Variants in ARHGAP29 observed in about 807,000 individuals in gnomAD.
ARHGAP29 encodes the protein Rho GTPase activating protein 29, also known as rho GTPase-activating protein 29.
In ARHGAP29, 43 loss-of-function variants were observed where a neutral mutation model predicts 122.6. The ratio of observed to expected loss-of-function variants is 0.35; its 90% confidence interval spans 0.27 to 0.45. The LOEUF (loss-of-function observed/expected upper bound fraction) is 0.45. Among genes scored for constraint, ARHGAP29 ranks in the 20% least tolerant of loss-of-function variants. The probability of loss-of-function intolerance (pLI) is 1.00; values close to 1 mark genes in which losing one functional copy is unlikely to be tolerated. For missense variants in ARHGAP29, 1,303 were observed against 1,477.2 expected, an observed-to-expected ratio of 0.88 and a Z score of 1.93; for synonymous variants, 506 against 497.1, an observed-to-expected ratio of 1.02 and a Z score of -0.24.
intron 12 of ARHGAP29, chr1:94,191,543 A>C (rs1241080386): frequency 6.6e-6 from 1 of 152,194 alleles, no homozygotes; most frequent in Non-Finnish European, 1.5e-5. Flanking sequence ...AAACTGCATA[A>C]GGTACAGTTT....
intron 6 of ARHGAP29, 59 bp downstream of exon 6, chr1:94,205,576 C>T (rs933722539): frequency 1.4e-6 from 2 of 1,440,832 alleles, no homozygotes; most frequent in Non-Finnish European, 9.7e-7. Flanking sequence ...TAATCCAGGA[C>T]ATTCATAGAA....
intron 19 of ARHGAP29, among the ~76,000 whole-genome samples, chr1:94,183,203 A>AT (rs1557842075): frequency 4.7e-5 from 5 of 105,436 alleles, no homozygotes; most frequent in African/African-American, 1.4e-4. Flanking sequence ...AATTAAAAAA[A>AT]ATTTTTTTTT....
In ARHGAP29 at chr1:94,169,539, T is replaced by C. The variant is rs1206408672; in HGVS notation, c.*4330A>G. Among the ~76,000 whole-genome samples the C allele has an allele frequency of 1.2e-4, 18 of 152,206 alleles. 1 individual carries two copies. Among genetic ancestry groups the C allele is most frequent in the Admixed American group, 1.0e-3 (16 of 15,272 alleles). On this transcript the variant is annotated 3_prime_UTR_variant, in exon 23 of 23. Coordinates refer to ENST00000260526, the MANE Select transcript of ARHGAP29 (RefSeq NM_004815.4). ...GGGAGACTAGATTAACCTCAAAGGA[T>C]TGAATTGAAGGTGTCAATGTGAACT...
At chr1:94,244,590 T>C (rs1653721696) in intron 1 of ARHGAP29, among the ~76,000 whole-genome samples, 2 of 152,078 alleles carry the variant, frequency 1.3e-5, no homozygotes, top group Non-Finnish European at 2.9e-5. Context: ...AGAAATAAAA[T>C]GCATTCACAT....
chr1:94,289,943 C>A, the ARHGAP29 span, among the ~76,000 whole-genome samples: 1 of 152,152 alleles, frequency 6.6e-6, no homozygotes, highest in African/African-American at 2.4e-5. Flanking sequence ...GGATATTGGT[C>A]TAAAATTCTC....
intron 5 of ARHGAP29, among the ~76,000 whole-genome samples, chr1:94,206,519 G>T (rs992395141): frequency 2.0e-5 from 3 of 152,162 alleles, no homozygotes; most frequent in African/African-American, 7.2e-5. Flanking sequence ...AGAGGGATAA[G>T]AACACTACTT....
At chr1:94,218,238 T>G (rs1175925883) in intron 3 of ARHGAP29, among the ~76,000 whole-genome samples, 3 of 152,146 alleles carry the variant, frequency 2.0e-5, no homozygotes, top group Non-Finnish European at 1.5e-5. Flanking sequence ...ACACAATATT[T>G]AAAGTGTTCT....
At chr1:94,247,428 G>A (rs1653854043) in intron 1 of ARHGAP29, among the ~76,000 whole-genome samples, 1 of 151,654 alleles carries the variant, frequency 6.6e-6, no homozygotes, top group Non-Finnish European at 1.5e-5. Flanking sequence ...CCTCTCGCTC[G>A]TCCGCGCCTG....
intron 1 of ARHGAP29, among the ~76,000 whole-genome samples, chr1:94,246,248 T>A (rs1367431710): frequency 6.6e-6 from 1 of 152,224 alleles, no homozygotes; most frequent in African/African-American, 2.4e-5. Context: ...TAAGCATTTC[T>A]GGCAAACTGC....
At chr1:94,313,437 A>G in the ARHGAP29 span, among the ~76,000 whole-genome samples, 1 of 152,142 alleles carries the variant, frequency 6.6e-6, no homozygotes, top group Non-Finnish European at 1.5e-5. Flanking sequence ...ATCTCCCCCC[A>G]TCTCATGCCA....
intron 7 of ARHGAP29, 89 bp from the exon 8 acceptor site, chr1:94,204,083 T>C (rs1651039017): frequency 3.1e-6 from 3 of 952,956 alleles, no homozygotes; most frequent in Non-Finnish European, 4.9e-6. Flanking sequence ...ATTCCACAAT[T>C]AAGAAGTGAT....
chr1:94,241,716 T>C (rs1653588818), upstream of ARHGAP29, among the ~76,000 whole-genome samples: 1 of 10,912 alleles, frequency 9.2e-5, no homozygotes, highest in South Asian at 6.4e-3. Context: ...TGATATATAA[T>C]TTATATATAA....
At chr1:94,239,283 G>A (rs1653481912), upstream of ARHGAP29, among the ~76,000 whole-genome samples, 1 of 152,108 alleles carries the variant, frequency 6.6e-6, no homozygotes, top group African/African-American at 2.4e-5. Context: ...AAATTTTTGA[G>A]GAAGTCCCTC....
At chr1:94,218,991 C>A (rs1271954524) in intron 3 of ARHGAP29, among the ~76,000 whole-genome samples, 2 of 152,108 alleles carry the variant, frequency 1.3e-5, no homozygotes, top group Non-Finnish European at 1.5e-5. Context: ...CCAGTTAATG[C>A]CTACTTGACC....
At chr1:94,282,019 C>T in the ARHGAP29 span, among the ~76,000 whole-genome samples, 1 of 152,098 alleles carries the variant, frequency 6.6e-6, no homozygotes, top group African/African-American at 2.4e-5. Context: ...AAGGCAGCCA[C>T]AGCTGGAAAT....
chr1:94,237,263 C>A (rs1653336253), intron 1 of ARHGAP29, among the ~76,000 whole-genome samples, 152 bp downstream of exon 1: 1 of 152,060 alleles, frequency 6.6e-6, no homozygotes, highest in African/African-American at 2.4e-5. Context: ...CGAGGACACC[C>A]GTCCCTAGCG....
intron 12 of ARHGAP29, chr1:94,193,117 CA>C: frequency 6.6e-6 from 1 of 151,916 alleles, no homozygotes; most frequent in Non-Finnish European, 1.5e-5. Context: ...TATAAAGAAA[CA>C]AAAGGAAAAT....
chr1:94,195,366 T>C (rs1277696001), intron 12 of ARHGAP29: 2 of 152,202 alleles, frequency 1.3e-5, no homozygotes, highest in African/African-American at 4.8e-5. Context: ...GGAGGTGTTA[T>C]GAGCATCCAC....
intron 3 of ARHGAP29, among the ~76,000 whole-genome samples, chr1:94,213,626 G>C (rs1240336194): frequency 6.6e-6 from 1 of 152,222 alleles, no homozygotes; most frequent in African/African-American, 2.4e-5. Context: ...CAGGCAGCTG[G>C]CCAGATTTGG....
Sources: allele counts gnomAD v4.1 joint callset (sites outside exome capture counted in the v4.1 genomes callset), GRCh38; gene constraint gnomAD v4.1.1; transcripts MANE v1.5; gene names NCBI Gene and HGNC (gene_info 2026-07-23, HGNC 2026-07-21).